Variants in PEX5 observed in about 807,000 individuals in gnomAD.
PEX5 encodes the protein peroxisomal biogenesis factor 5.
A neutral mutation model predicts 82.9 loss-of-function variants in PEX5; 52 were observed. The ratio of observed to expected loss-of-function variants is 0.63; its 90% CI spans 0.50 to 0.79. The LOEUF (loss-of-function observed/expected upper bound fraction) is 0.79. Ranked by LOEUF, PEX5 falls within the 30% of genes least tolerant of loss-of-function variation. The probability of loss-of-function intolerance (pLI) is 0.00; values close to 1 mark genes in which losing one functional copy is unlikely to be tolerated. For missense variants in PEX5, 719 were observed against 815.2 expected, an observed-to-expected ratio of 0.88 and a Z score of 1.44; for synonymous variants, 300 against 318.8, an observed-to-expected ratio of 0.94 and a Z score of 0.63.
intron 6 of PEX5, among the ~76,000 whole-genome samples, chr12:7,200,957 C>T (rs752354379): frequency 5.9e-5 from 9 of 152,222 alleles, no homozygotes; most frequent in African/African-American, 2.2e-4. Flanking sequence ...AAGATTTCCC[C>T]TTGGGTTATT....
At chr12:7,209,656 C>T (rs1026754140) in intron 14 of PEX5, 27 bp from the exon 15 acceptor site, 20 of 1,080,754 alleles carry the variant, frequency 1.9e-5, no homozygotes, top group Non-Finnish European at 2.1e-5. Flanking sequence ...TCAAGCTGTT[C>T]CCATCCGTTC....
intron 10 of PEX5, among the ~76,000 whole-genome samples, chr12:7,205,913 T>C (rs6486920): frequency 0.73 from 111,810 of 152,146 alleles, 41,853 homozygotes; most frequent in South Asian, 0.83. Context: ...AGGAAGTATC[T>C]AGAGCAGTGA....
At chr12:7,208,187 CAA>C in intron 12 of PEX5, 107 bp downstream of exon 12, 1 of 871,614 alleles carries the variant, frequency 1.1e-6, no homozygotes, top group Non-Finnish European at 1.9e-6. Flanking sequence ...TGAGTGCTAT[CAA>C]GAGTGTTTTC....
chr12:7,212,464 GAAAAAAA>G (rs5796271), downstream of PEX5, among the ~76,000 whole-genome samples: 40,644 of 96,322 alleles, frequency 0.42, 6,841 homozygotes, highest in Admixed American at 0.59. Flanking sequence ...AAAGCTGCCA[GAAAAAAA>G]AAAAAAAAAA....
Position 7,202,370 on chromosome 12 carries a change from C to G in PEX5, c.753+19C>G, listed in dbSNP as rs928288931. The G allele has an allele frequency of 6.2e-7, 1 of 1,613,844 alleles. No homozygotes were observed. Among genetic ancestry groups the G allele is most frequent in the South Asian group, 1.1e-5 (1 of 91,042 alleles). On this transcript the variant is annotated intron_variant, in intron 8 of 15. Coordinates refer to ENST00000675855, the MANE Select transcript of PEX5 (RefSeq NM_001351132.2). ...GCAGCAGGTAGGACATTGTCACTTT[C>G]CAGTCCCACTTCAGAGCCAGCTGAT...
chr12:7,188,999 A>G (rs1436348440), upstream of PEX5: 1 of 152,122 alleles, frequency 6.6e-6, no homozygotes, highest in Non-Finnish European at 1.5e-5. Context: ...GGAAGGGCTG[A>G]CTCACTGTTC....
chr12:7,200,116 G>A lies in PEX5; in HGVS notation c.551+1003G>A, dbSNP rs774488750. 9.8e-4 allele frequency among the ~76,000 whole-genome samples: 146 copies of A among 149,112 alleles called. 2 individuals are homozygous for A. The highest frequency in any genetic ancestry group is 3.4e-3 in the African/African-American group (139 of 40,690). ...GACGGGGTGGCTGCCGGGCGGAGAC[G>A]CTCCTCACTTCCCAGACGGGGCGGC... is the stretch of plus-strand genomic sequence containing the variant. On this transcript the variant is annotated intron_variant, in intron 6 of 15. Coordinates refer to ENST00000675855, the MANE Select transcript of PEX5 (RefSeq NM_001351132.2).
At chr12:7,215,190 C>T (rs779384109), downstream of PEX5, among the ~76,000 whole-genome samples, 1 of 152,054 alleles carries the variant, frequency 6.6e-6, no homozygotes, top group African/African-American at 2.4e-5. Flanking sequence ...CAAATCAAAA[C>T]CACAATGAGA....
chr12:7,190,808 G>A (rs1362469610), intron 2 of PEX5, 80 bp from the exon 3 acceptor site: 1 of 1,396,542 alleles, frequency 7.2e-7, no homozygotes, highest in East Asian at 2.3e-5. Flanking sequence ...AAGAAGCCGA[G>A]GCTCAGATGC....
chr12:7,211,879 G>A (rs1030687159), downstream of PEX5, among the ~76,000 whole-genome samples: 2 of 151,748 alleles, frequency 1.3e-5, no homozygotes, highest in Admixed American at 1.3e-4. Flanking sequence ...TTTATCCTGA[G>A]GAAAAATTTA....
chr12:7,216,346 T>C (rs1256314380), downstream of PEX5, among the ~76,000 whole-genome samples: 2 of 152,096 alleles, frequency 1.3e-5, no homozygotes, highest in African/African-American at 4.8e-5. Context: ...ACTTACTTTA[T>C]CTCCAGGGCA....
chr12:7,191,041 G>A, intron 3 of PEX5, 118 bp downstream of exon 3: 3 of 1,184,418 alleles, frequency 2.5e-6, no homozygotes, highest in Non-Finnish European at 3.8e-6. Context: ...GAGAATGCCT[G>A]CTTGTTTTTA....
chr12:7,197,838 GGAGT>G (rs932265513), intron 5 of PEX5, among the ~76,000 whole-genome samples: 1 of 152,142 alleles, frequency 6.6e-6, no homozygotes, highest in Non-Finnish European at 1.5e-5. Context: ...AATGCAAATT[GGAGT>G]TAGTAGGTTC....
At chr12:7,209,930 C>T (rs1945335144) in intron 15 of PEX5, 90 bp downstream of exon 15, 1 of 1,594,238 alleles carries the variant, frequency 6.3e-7, no homozygotes, top group Non-Finnish European at 8.6e-7. Context: ...TTTGACTAAC[C>T]AGCCCTAGCT....
In PEX5 at chr12:7,189,695, C is replaced by T; in HGVS notation, c.-72C>T. 8.1e-6 allele frequency: 3 copies of T among 369,734 alleles called. No homozygotes were observed. The allele number at this position is 369,734 out of a possible 1,614,324, so 22.9% of individuals were successfully genotyped here. ...CCTGGCTCCCCGCCCCCTCTTCTCC[C>T]CTCCCCCAAGCCAGCACCTGGTGCC... On this transcript the variant is annotated 5_prime_UTR_variant, in exon 1 of 16. Transcript: ENST00000675855.
Position 7,210,671 on chromosome 12 carries a change from G to T in PEX5, c.*448G>T. 1 of 292,022 alleles carries T rather than the reference G, an allele frequency of 3.4e-6. No individual in the cohort carries two copies. 18.1% of individuals were successfully genotyped at this position (292,022 alleles called of 1,614,324 possible). A position where few individuals can be genotyped will look rare whatever the true frequency, so the allele number is the denominator to read the frequency against. The stretch of plus-strand genomic sequence containing the variant: ...GGTTCATCTGCTGTGCGCCTCTAAT[G>T]TCTGTCTGGATGGGATGTGTTAGGA... On this transcript the variant is annotated 3_prime_UTR_variant, in exon 16 of 16. Coordinates refer to ENST00000675855, the MANE Select transcript of PEX5 (RefSeq NM_001351132.2).
chr12:7,198,050 T>C (rs1943083263), intron 5 of PEX5, among the ~76,000 whole-genome samples: 1 of 152,100 alleles, frequency 6.6e-6, no homozygotes. Context: ...TCCTTGTTTT[T>C]TTTTTCTGGC....
downstream of PEX5, among the ~76,000 whole-genome samples, chr12:7,216,199 G>A (rs1591822290): frequency 6.6e-6 from 1 of 152,042 alleles, no homozygotes; most frequent in Admixed American, 6.5e-5. Flanking sequence ...AACTCCTGAC[G>A]TCAGGTGATC....
chr12:7,198,985 T>C (rs1378457741), intron 5 of PEX5, 26 bp from the exon 6 acceptor site: 8 of 1,319,934 alleles, frequency 6.1e-6, no homozygotes, highest in Middle Eastern at 1.8e-4. Context: ...ACCTGTGTGA[T>C]TTCCCCACTT....
Sources: allele counts gnomAD v4.1 joint callset (sites outside exome capture counted in the v4.1 genomes callset), GRCh38; gene constraint gnomAD v4.1.1; transcripts MANE v1.5; gene names NCBI Gene and HGNC (gene_info 2026-07-23, HGNC 2026-07-21).